The following CRCP variants were observed in gnomAD, a reference collection of about 807,000 sequenced individuals.
CRCP encodes the protein DNA-directed RNA polymerase III subunit RPC9.
Under a neutral mutation model 18.5 loss-of-function variants are expected in CRCP, and 18 were observed. The observed-to-expected ratio is 0.97, with a 90% CI of 0.67 to 1.44. The LOEUF (loss-of-function observed/expected upper bound fraction) is 1.44, where lower values mean the gene tolerates loss of function less well. CRCP is among the 40% of genes most tolerant of loss of function. The probability of loss-of-function intolerance (pLI) is 0.00; values close to 1 mark genes in which losing one functional copy is unlikely to be tolerated. For missense variants in CRCP, 130 were observed against 176.4 expected (o/e 0.74, Z 1.49); for synonymous variants, 53 against 62.9 (o/e 0.84, Z 0.75).
At chr7:66,146,014 C>T (rs531530924) in intron 5 of CRCP, among the ~76,000 whole-genome samples, 1 of 152,254 alleles carries the variant, frequency 6.6e-6, no homozygotes, top group South Asian at 2.1e-4. Flanking sequence ...GTCAGGGAGT[C>T]CCCAAGTTCT....
At chr7:66,135,309 T>A (rs1233637948) in intron 4 of CRCP, among the ~76,000 whole-genome samples, 1 of 152,202 alleles carries the variant, frequency 6.6e-6, no homozygotes. Context: ...CCAAAGTAAT[T>A]CTTCTCTAAT....
At position 66,134,274 on chromosome 7, in the gene CRCP, T is replaced by C; in HGVS notation, c.145-6T>C. The stretch of plus-strand genomic sequence containing the variant: ...TGGCTTTTTTCTTTTTTTTTTTTTT[T>C]GCCAGACGTTAAAATACATATCAAA... On this transcript the variant is annotated splice_region_variant and splice_polypyrimidine_tract_variant and intron_variant, in intron 3 of 5. Transcript: ENST00000395326. 2.0e-6 allele frequency: 3 copies of C among 1,506,406 alleles called. No individual in the cohort carries two copies. Among genetic ancestry groups the C allele is most frequent in the Non-Finnish European group, 2.7e-6 (3 of 1,118,704 alleles). 93.3% of individuals were successfully genotyped at this position (1,506,406 alleles called of 1,614,324 possible).
chr7:66,131,094 C>A (rs1787789012), intron 3 of CRCP, among the ~76,000 whole-genome samples: 1 of 152,152 alleles, frequency 6.6e-6, no homozygotes, highest in Admixed American at 6.5e-5. Flanking sequence ...TCTGCCTCAG[C>A]CTCCCGAGTA....
rs376542827 is a variant in CRCP at position 66,134,306 on chromosome 7, A to G, written c.171A>G (p.Pro57=). ...YETLKYISKT[P]CRHQSPEIVR... ...CGTTAAAATACATATCAAAAACACC[A>G]TGCAGGCACCAGAGTCCTGAAATTG... The change falls in exon 4 of 6, where the codon CCA becomes CCG. Residue 57 remains proline (P), a synonymous_variant. Transcript: ENST00000395326. 10 of 1,606,404 alleles carry G rather than the reference A, an allele frequency of 6.2e-6. No homozygotes were observed. Among genetic ancestry groups the G allele is most frequent in the African/African-American group, 1.4e-5 (1 of 73,468 alleles).
chr7:66,128,114 C>CAA (rs5884582), intron 2 of CRCP, among the ~76,000 whole-genome samples: 2,699 of 130,286 alleles, frequency 0.021, 77 homozygotes, highest in East Asian at 0.13. Flanking sequence ...GGCTCTGTCT[C>CAA]AAAAAAAAAA....
chr7:66,141,858 G>A (rs1788149607), intron 4 of CRCP, among the ~76,000 whole-genome samples: 1 of 152,188 alleles, frequency 6.6e-6, no homozygotes, highest in African/African-American at 2.4e-5. Context: ...GGGAATGTTT[G>A]TGCGCTGACC....
At chr7:66,128,347 A>C (rs952928506) in intron 2 of CRCP, among the ~76,000 whole-genome samples, 12 of 152,210 alleles carry the variant, frequency 7.9e-5, no homozygotes, top group African/African-American at 2.9e-4. Context: ...GTCATAGGAT[A>C]GAAGCATCTA....
intron 1 of CRCP, among the ~76,000 whole-genome samples, chr7:66,116,711 C>T (rs1242883820): frequency 6.6e-6 from 1 of 152,116 alleles, no homozygotes; most frequent in Non-Finnish European, 1.5e-5. Context: ...CCCCCTCTTA[C>T]TCCATTTCTG....
intron 1 of CRCP, among the ~76,000 whole-genome samples, chr7:66,118,632 T>C (rs1329743974): frequency 1.3e-5 from 2 of 152,228 alleles, no homozygotes; most frequent in Admixed American, 1.3e-4. Flanking sequence ...GTCCCTGATA[T>C]AAAACGGTGT....
chr7:66,124,118 T>C (rs1787543761), intron 1 of CRCP, among the ~76,000 whole-genome samples: 1 of 133,680 alleles, frequency 7.5e-6, no homozygotes, highest in Non-Finnish European at 1.5e-5. Context: ...TCCCAGCACT[T>C]TGGGAGGCCG....
intron 1 of CRCP, among the ~76,000 whole-genome samples, chr7:66,117,133 A>T (rs561056457): frequency 6.6e-6 from 1 of 151,892 alleles, no homozygotes; most frequent in African/African-American, 2.4e-5. Context: ...AAAAAAAAAA[A>T]AAAACCTGAT....
At chr7:66,116,312 T>C (rs372968373) in intron 1 of CRCP, among the ~76,000 whole-genome samples, 1 of 151,696 alleles carries the variant, frequency 6.6e-6, no homozygotes, top group Non-Finnish European at 1.5e-5. Context: ...CTGGGCAACA[T>C]AGGGAGACCC....
chr7:66,136,673 A>G (rs1787980841), intron 4 of CRCP, among the ~76,000 whole-genome samples: 1 of 151,898 alleles, frequency 6.6e-6, no homozygotes, highest in African/African-American at 2.4e-5. Context: ...CTATGTATAC[A>G]TTTTTGAATT....
intron 2 of CRCP, chr7:66,128,849 C>T (rs1175287294): frequency 1.3e-5 from 2 of 152,078 alleles, no homozygotes; most frequent in South Asian, 2.1e-4. Flanking sequence ...CCATTTATAC[C>T]TTGACTGTGA....
intron 1 of CRCP, among the ~76,000 whole-genome samples, chr7:66,120,135 G>C (rs780804685): frequency 1.2e-4 from 18 of 151,674 alleles, no homozygotes; most frequent in Non-Finnish European, 2.4e-4. Context: ...AGTGAGCCAA[G>C]ATCGCACCAC....
At chr7:66,150,398 A>G (rs1330422850) in intron 5 of CRCP, among the ~76,000 whole-genome samples, 1 of 135,220 alleles carries the variant, frequency 7.4e-6, no homozygotes, top group Non-Finnish European at 1.6e-5. Flanking sequence ...AAGAGAATTT[A>G]CATTTTCCTG....
intron 4 of CRCP, among the ~76,000 whole-genome samples, chr7:66,139,935 G>A (rs1179938482): frequency 6.6e-6 from 1 of 152,220 alleles, no homozygotes. Flanking sequence ...TTTGGGTCCT[G>A]TAGCCACAAG....
chr7:66,142,246 G>T (rs1424955526), intron 4 of CRCP, among the ~76,000 whole-genome samples: 2 of 152,094 alleles, frequency 1.3e-5, no homozygotes, highest in Non-Finnish European at 2.9e-5. Flanking sequence ...GTTTCTGAGG[G>T]TCTTTACTTT....
chr7:66,150,354 G>GAAACTCTGTTTCAAAAAAAAAA (rs57066308), intron 5 of CRCP, among the ~76,000 whole-genome samples: 7 of 146,526 alleles, frequency 4.8e-5, no homozygotes, highest in Non-Finnish European at 9.0e-5. Flanking sequence ...CAACAAGAGT[G>GAAACTCTGTTTCAAAAAAAAAA]AAGGGGGGGA....
Sources: gnomAD v4.1 joint callset for allele counts (sites outside exome capture counted in the v4.1 genomes callset) on GRCh38, gnomAD v4.1.1 for gene constraint, MANE v1.5 for transcripts, NCBI Gene and HGNC (gene_info 2026-07-23, HGNC 2026-07-21) for gene names.